The following TAF8 variants were observed in gnomAD, a reference collection of about 807,000 sequenced individuals.
TAF8 encodes TATA-box binding protein associated factor 8.
TAF8 carries 47 observed loss-of-function variants against 36.5 expected under a neutral mutation model. The observed-to-expected ratio is 1.29, with a 90% confidence interval of 1.02 to 1.64. The LOEUF (loss-of-function observed/expected upper bound fraction) is 1.64, where lower values mean the gene tolerates loss of function less well. Ranked by LOEUF, TAF8 falls within the 40% of genes most tolerant of loss-of-function variation. TAF8 has a pLI of 0.00. For missense variants in TAF8, 420 were observed against 407.6 expected, an observed-to-expected ratio of 1.03 and a Z score of -0.26; for synonymous variants, 175 against 159.5, an observed-to-expected ratio of 1.10 and a Z score of -0.73.
At chr6:42,057,260 C>A in intron 4 of TAF8, 129 bp from the exon 5 acceptor site, 1 of 1,344,692 alleles carries the variant, frequency 7.4e-7, no homozygotes, top group Non-Finnish European at 1.0e-6. Context: ...GATTGAAATA[C>A]AAAATGCAAC....
chr6:42,084,340 G>C (rs549070432), downstream of TAF8, among the ~76,000 whole-genome samples: 4 of 152,310 alleles, frequency 2.6e-5, no homozygotes, highest in Admixed American at 2.6e-4. Context: ...CAGGCACGGT[G>C]CTAAGCACTT....
chr6:42,085,122 T>G (rs1766006811), downstream of TAF8, among the ~76,000 whole-genome samples: 1 of 152,220 alleles, frequency 6.6e-6, no homozygotes, highest in African/African-American at 2.4e-5. Flanking sequence ...TTCCCTTTTT[T>G]TATACATGAA....
intron 5 of TAF8, among the ~76,000 whole-genome samples, chr6:42,064,934 G>A (rs1446236339): frequency 7.3e-6 from 1 of 136,864 alleles, no homozygotes; most frequent in Non-Finnish European, 1.5e-5. Flanking sequence ...TCCAGCCTGG[G>A]TGACAGAGCA....
chr6:42,070,565 C>T (rs568203911), intron 7 of TAF8, among the ~76,000 whole-genome samples: 4 of 152,326 alleles, frequency 2.6e-5, no homozygotes, highest in East Asian at 1.9e-4. Context: ...TAGCCACATA[C>T]GGCCAGTGGC....
intron 5 of TAF8, chr6:42,057,814 A>G (rs1765060397): frequency 2.6e-6 from 1 of 386,086 alleles, no homozygotes; most frequent in East Asian, 4.2e-5. Context: ...CATAATTGAG[A>G]AACAATTTGG....
Position 42,077,785 on chromosome 6 carries a change from T to G in TAF8, c.*240T>G. On this transcript the variant is annotated 3_prime_UTR_variant, in exon 9 of 9. Transcript: ENST00000372977. ...TTTTTTTTTATTTTGAGATGGAGTC[T>G]TACTCTATCACCCAGGCTGGAATGC... 7.5e-7 allele frequency: 1 copy of G among 1,334,052 alleles called. No individual in the cohort carries two copies. The highest frequency in any genetic ancestry group is 9.7e-7 in the Non-Finnish European group (1 of 1,029,594). 82.6% of individuals were successfully genotyped at this position (1,334,052 alleles called of 1,614,324 possible). A position where few individuals can be genotyped will look rare whatever the true frequency, so the allele number is the denominator to read the frequency against.
At chr6:42,071,076 A>G (rs984899393) in intron 7 of TAF8, among the ~76,000 whole-genome samples, 6 of 152,202 alleles carry the variant, frequency 3.9e-5, no homozygotes, top group Admixed American at 2.0e-4. Flanking sequence ...CAATCGCAGA[A>G]CCGCCAGAAG....
intron 5 of TAF8, among the ~76,000 whole-genome samples, chr6:42,058,370 ACT>A (rs1765079281): frequency 1.3e-5 from 2 of 152,088 alleles, no homozygotes; most frequent in Non-Finnish European, 2.9e-5. Context: ...ACAGAGCAAG[ACT>A]CTGTCTCAAA....
rs1397798665 is a variant in TAF8 at position 42,078,482 on chromosome 6, T to C, written c.*937T>C. On this transcript the variant is annotated 3_prime_UTR_variant, in exon 9 of 9. Transcript: ENST00000372977. ...CCTCCCAAGTGCTCCGTTGAGCTGA[T>C]GAAAAGTTCTTTGTACTCCCTCAAC... The C allele has an allele frequency of 1.0e-6, 1 of 985,380 alleles. No homozygotes were observed. Among genetic ancestry groups the C allele is most frequent in the African/African-American group, 1.7e-5 (1 of 57,238 alleles). The allele number at this position is 985,380 out of a possible 1,614,324, so 61.0% of individuals were successfully genotyped here. A position where few individuals can be genotyped will look rare whatever the true frequency, so the allele number is the denominator to read the frequency against.
In TAF8 at chr6:42,055,978, T is replaced by A. The variant is rs1419442628; in HGVS notation, c.328T>A (p.Tyr110Asn). 2 of 1,613,708 alleles carry A rather than the reference T, an allele frequency of 1.2e-6. No homozygotes were observed. The highest frequency in any genetic ancestry group is 1.7e-5 in the Admixed American group (1 of 60,030). Residue 110 changes from tyrosine to asparagine, a missense_variant, in exon 4 of 9, where the codon TAT (tyrosine) becomes AAT (asparagine). Physicochemically the swap from Tyr to Asn is moderately radical, Grantham distance 143. Transcript: ENST00000372977. ...TTTCAATGTGGACACTCTCCCTGCT[T>A]ATGCAAAACGGTCTCAGAGGATGGT... Reference protein sequence around the residue: ...MGFNVDTLPAYAKRSQRMVIT... With the variant: ...MGFNVDTLPANAKRSQRMVIT...
chr6:42,062,189 GT>G (rs1765213004), intron 5 of TAF8, among the ~76,000 whole-genome samples: 1 of 152,010 alleles, frequency 6.6e-6, no homozygotes, highest in Non-Finnish European at 1.5e-5. Context: ...GTTAAAGCTA[GT>G]TTTTTAAATA....
chr6:42,081,315 T>C lies in TAF8; in HGVS notation c.*3770T>C, dbSNP rs1203866757. The C allele has an allele frequency of 7.4e-6, 1 of 134,638 alleles. No individual in the cohort carries two copies. The highest frequency in any genetic ancestry group is 1.7e-5 in the Non-Finnish European group (1 of 60,436). The allele number at this position is 134,638 out of a possible 1,614,324, so 8.3% of individuals were successfully genotyped here. A position where few individuals can be genotyped will look rare whatever the true frequency, so the allele number is the denominator to read the frequency against. On this transcript the variant is annotated 3_prime_UTR_variant, in exon 9 of 9. Transcript: ENST00000372977. ...CCTCAGCTTCCTGAGTAGCTGGGAT[T>C]ATAGGTATCTACCACCACCACCACG...
chr6:42,057,553 A>G (rs1323709278), intron 5 of TAF8, 40 bp downstream of exon 5: 2 of 1,611,156 alleles, frequency 1.2e-6, no homozygotes, highest in African/African-American at 1.3e-5. Context: ...GGTGTAAAGC[A>G]CGGAGTCAGT....
At chr6:42,054,724 C>CCTCCTG (rs1331745818) in intron 2 of TAF8, among the ~76,000 whole-genome samples, 1 of 151,570 alleles carries the variant, frequency 6.6e-6, no homozygotes. Context: ...CGATTTTCAG[C>CCTCCTG]CTCCTGAGTA....
Position 42,078,257 on chromosome 6 carries a change from C to T in TAF8, c.*712C>T. 1.0e-6 allele frequency: 1 copy of T among 985,498 alleles called. No individual in the cohort carries two copies. The highest frequency in any genetic ancestry group is 1.2e-6 in the Non-Finnish European group (1 of 829,976). 61.0% of individuals were successfully genotyped at this position (985,498 alleles called of 1,614,324 possible). ...AGCAGCCAGTGACTTCGTTCATTATCACAGGATTTGATTCCTTTGAAACTC... is the reference window on the plus strand; with the variant it reads ...AGCAGCCAGTGACTTCGTTCATTATTACAGGATTTGATTCCTTTGAAACTC... On this transcript the variant is annotated 3_prime_UTR_variant, in exon 9 of 9. Transcript: ENST00000372977.
chr6:42,068,398 C>T (rs1184758825), intron 6 of TAF8, 67 bp from the exon 7 acceptor site: 104 of 1,587,180 alleles, frequency 6.6e-5, no homozygotes, highest in Non-Finnish European at 7.9e-5. Context: ...TTGTGAGGCT[C>T]TAGGACTCTA....
At position 42,083,249 on chromosome 6, in the gene TAF8, A is replaced by G. The variant is rs1562025663; in HGVS notation, c.*5704A>G. 1 of 152,220 alleles carries G rather than the reference A, an allele frequency of 6.6e-6. No individual in the cohort carries two copies. The highest frequency in any genetic ancestry group is 1.5e-5 in the Non-Finnish European group (1 of 68,050). The allele number at this position is 152,220 out of a possible 1,614,324, so 9.4% of individuals were successfully genotyped here. A position where few individuals can be genotyped will look rare whatever the true frequency, so the allele number is the denominator to read the frequency against. On this transcript the variant is annotated 3_prime_UTR_variant, in exon 9 of 9. Coordinates refer to ENST00000372977, the MANE Select transcript of TAF8 (RefSeq NM_138572.3). ...TTTTTTGGTGATGTTCCATGTCAGT[A>G]ATAAAGAGCTTCTCTGTTTCGTGGC...
rs945535164 is a variant in TAF8, at chr6:42,081,976, C to G, written c.*4431C>G. 2.0e-5 allele frequency: 3 copies of G among 152,244 alleles called. No individual in the cohort carries two copies. The highest frequency in any genetic ancestry group is 4.4e-5 in the Non-Finnish European group (3 of 68,042). The allele number at this position is 152,244 out of a possible 1,614,324, so 9.4% of individuals were successfully genotyped here. ...ATCCTATGTACCCATCACCCACTTT[C>G]TCCCAGTGGTAGCATCTTGCATAAC... On this transcript the variant is annotated 3_prime_UTR_variant, in exon 9 of 9. Transcript: ENST00000372977.
At chr6:42,068,319 C>T (rs1765436868) in intron 6 of TAF8, 146 bp from the exon 7 acceptor site, 1 of 809,708 alleles carries the variant, frequency 1.2e-6, no homozygotes, top group African/African-American at 1.7e-5. Context: ...TAGAACATTG[C>T]CTGGCCTGTT....
Sources: gnomAD v4.1 joint callset for allele counts (sites outside exome capture counted in the v4.1 genomes callset) on GRCh38, gnomAD v4.1.1 for gene constraint, MANE v1.5 for transcripts, NCBI Gene and HGNC (gene_info 2026-07-23, HGNC 2026-07-21) for gene names.